The following TICRR variants were observed in gnomAD, a reference collection of about 807,000 sequenced individuals.
TICRR encodes treslin.
In TICRR, 132 loss-of-function variants were observed where a neutral mutation model predicts 178.1. The ratio of observed to expected loss-of-function variants is 0.74; its 90% CI spans 0.64 to 0.86. TICRR has a LOEUF of 0.86. TICRR is among the 40% of genes least tolerant of loss of function. The pLI is 0.00. For synonymous variants in TICRR, 991 were observed against 900.7 expected (o/e 1.10, Z -1.79); for missense variants, 2,587 against 2,334.3 (o/e 1.11, Z -2.23).
chr15:89,581,954 C>T (rs1167468086), intron 1 of TICRR, among the ~76,000 whole-genome samples: 1 of 152,172 alleles, frequency 6.6e-6, no homozygotes, highest in East Asian at 1.9e-4. Context: ...TGATGGTCAC[C>T]GTCTGGGGGA....
Position 89,601,761 on chromosome 15 carries a change from A to G in TICRR, c.2352A>G (p.Thr784=), listed in dbSNP as rs1285388954. Residue 784 remains threonine (T), a synonymous_variant, in exon 12 of 22, where the codon ACA becomes ACG. Coordinates refer to ENST00000268138, the MANE Select transcript of TICRR (RefSeq NM_152259.4). ...GGTATATTGACTCTATCCCAAAGAC[A>G]CTTGGAAATCTTTACAACAGCCTAG... The part of the protein sequence containing the change: ...LRLYIDSIPK[T]LGNLYNSLGF... 2.5e-6 allele frequency: 4 copies of G among 1,614,044 alleles called. No homozygotes were observed. In the African/African-American group the frequency reaches 4.0e-5, roughly 16 times the overall value.
intron 1 of TICRR, chr15:89,582,389 A>G (rs78549611): frequency 0.013 from 3,246 of 255,184 alleles, 116 homozygotes; most frequent in African/African-American, 0.068. Flanking sequence ...CTAACATTTT[A>G]TGATCTATAC....
intron 12 of TICRR, 101 bp downstream of exon 12, chr15:89,602,077 T>A (rs1336138791): frequency 6.3e-6 from 9 of 1,430,720 alleles, no homozygotes; most frequent in Non-Finnish European, 8.5e-6. Context: ...TATAATTTGT[T>A]GAACTAATAG....
At chr15:89,619,264 C>T (rs968449294) in intron 17 of TICRR, among the ~76,000 whole-genome samples, 9 of 115,606 alleles carry the variant, frequency 7.8e-5, no homozygotes, top group Admixed American at 1.1e-4. Flanking sequence ...CTTGCTCTGT[C>T]GCCCAGGCTG....
intron 15 of TICRR, among the ~76,000 whole-genome samples, chr15:89,613,969 A>G (rs1053089980): frequency 6.6e-6 from 1 of 151,884 alleles, no homozygotes; most frequent in Admixed American, 6.6e-5. Flanking sequence ...CCTGGCTAAC[A>G]CAGTGAAACC....
At chr15:89,589,042 C>A (rs1256939956) in intron 4 of TICRR, among the ~76,000 whole-genome samples, 1 of 151,904 alleles carries the variant, frequency 6.6e-6, no homozygotes, top group African/African-American at 2.4e-5. Context: ...GTGTTCAGGG[C>A]AGGAGGAGAT....
At position 89,624,206 on chromosome 15, in the gene TICRR, C is replaced by G; in HGVS notation, c.3896C>G (p.Thr1299Ser). The G allele has an allele frequency of 6.2e-7, 1 of 1,614,198 alleles. No individual in the cohort carries two copies. Among genetic ancestry groups the G allele is most frequent in the Non-Finnish European group, 8.5e-7 (1 of 1,180,042 alleles). ...IKTPKRPGNSTVTSSPPVTPK... is the reference protein window; with the variant it reads ...IKTPKRPGNSSVTSSPPVTPK... ...ACTCCAAAAAGACCAGGGAATTCAA[C>G]TGTGACTTCTTCCCCACCTGTTACG... Residue 1299 changes from threonine to serine, a missense_variant, in exon 20 of 22, where the codon ACT (threonine) becomes AGT (serine). Physicochemically the swap from Thr to Ser is moderately conservative, Grantham distance 58 (BLOSUM62 1). Coordinates refer to ENST00000268138, the MANE Select transcript of TICRR (RefSeq NM_152259.4).
rs767053296 is a variant in TICRR, at chr15:89,624,539, C to A, written c.4229C>A (p.Thr1410Lys). ...PDASATPGVG[T>K]ADSPAAPTDS... ...GCCTCCGCTACTCCTGGGGTTGGCA[C>A]AGCTGACAGCCCAGCTGCCCCCACA... The change falls in exon 20 of 22, where the codon ACA (threonine) becomes AAA (lysine). Residue 1410 changes from threonine (T) to lysine (K), a missense_variant. Coordinates refer to ENST00000268138, the MANE Select transcript of TICRR (RefSeq NM_152259.4). The A allele has an allele frequency of 6.2e-7, 1 of 1,613,844 alleles. No homozygotes were observed. Among genetic ancestry groups the A allele is most frequent in the South Asian group, 1.1e-5 (1 of 91,082 alleles).
At chr15:89,599,246 G>A (rs1317656662) in intron 7 of TICRR, 78 bp from the exon 8 acceptor site, 4 of 1,118,052 alleles carry the variant, frequency 3.6e-6, no homozygotes, top group Non-Finnish European at 3.6e-6. Context: ...ATTTTCCCCA[G>A]TGGACAACAA....
intron 4 of TICRR, 62 bp from the exon 5 acceptor site, chr15:89,591,985 G>C (rs895301611): frequency 1.3e-6 from 2 of 1,527,174 alleles, no homozygotes; most frequent in Non-Finnish European, 1.8e-6. Flanking sequence ...CAAGTGCTTA[G>C]AATTCTCTGC....
At chr15:89,620,486 G>C (rs2350679) in intron 18 of TICRR, among the ~76,000 whole-genome samples, 1,624 of 152,264 alleles carry the variant, frequency 0.011, 38 homozygotes, top group African/African-American at 0.038. Flanking sequence ...GGGATTACAA[G>C]TGTGAGCCAC....
chr15:89,596,338 C>T (rs1232216344), intron 7 of TICRR, among the ~76,000 whole-genome samples: 3 of 151,640 alleles, frequency 2.0e-5, no homozygotes, highest in Non-Finnish European at 4.4e-5. Flanking sequence ...CTGTTTTATT[C>T]CTCTTTTCTT....
Position 89,606,759 on chromosome 15 carries a change from A to G in TICRR, c.2665-9A>G. The G allele has an allele frequency of 1.2e-6, 2 of 1,613,106 alleles. No individual in the cohort carries two copies. The highest frequency in any genetic ancestry group is 1.3e-5 in the African/African-American group (1 of 74,980). ...TTAAATTTTCTTTCTGGATTTTCTC[A>G]TGTTTCAGGAGAACTCTCACCCTGC... On this transcript the variant is annotated splice_polypyrimidine_tract_variant and intron_variant, in intron 13 of 21. Coordinates refer to ENST00000268138, the MANE Select transcript of TICRR (RefSeq NM_152259.4).
Position 89,584,476 on chromosome 15 carries a change from G to C in TICRR, c.1125G>C (p.Arg375Ser), listed in dbSNP as rs762694311. The C allele has an allele frequency of 3.1e-6, 5 of 1,604,258 alleles. No individual in the cohort carries two copies. The South Asian group carries it at 3.3e-5, about 11-fold the overall frequency. ...CAGAGGAGAGCACAGCAACTCAAAG[G>C]CTGTTATTTCAGCAGTTGGTAAGCA... ...GSPEESTATQ[R>S]LLFQQLVSRL... is the part of the protein sequence containing the mutation. The change falls in exon 3 of 22, where the codon AGG (arginine) becomes AGC (serine). Residue 375 changes from arginine (R) to serine (S), a missense_variant. By Grantham distance (110) the Arg-to-Ser change is moderately radical. Coordinates refer to ENST00000268138, the MANE Select transcript of TICRR (RefSeq NM_152259.4).
rs2141986106 is a variant in TICRR, at chr15:89,625,460, A to C, written c.5150A>C (p.Glu1717Ala). The C allele has an allele frequency of 6.2e-7, 1 of 1,613,950 alleles. No homozygotes were observed. Among genetic ancestry groups the C allele is most frequent in the Non-Finnish European group, 8.5e-7 (1 of 1,179,996 alleles). The change falls in exon 20 of 22, where the codon GAG becomes GCG. Residue 1717 changes from glutamate to alanine, a missense_variant. Glu to Ala is a moderately radical substitution (Grantham distance 107). Transcript: ENST00000268138. ...CTTCCTGGGAGCCTGTCACTGCTTGAGTCAGAGGGCAAGGACCACGGCCTT... is the reference window on the plus strand; with the variant it reads ...CTTCCTGGGAGCCTGTCACTGCTTGCGTCAGAGGGCAAGGACCACGGCCTT... ...ADLPGSLSLL[E>A]SEGKDHGLEL...
At chr15:89,585,963 C>G in intron 4 of TICRR, 21 bp downstream of exon 4, 1 of 1,596,074 alleles carries the variant, frequency 6.3e-7, no homozygotes, top group Non-Finnish European at 8.6e-7. Flanking sequence ...AAACTAGTAA[C>G]TAACAGAGTC....
intron 9 of TICRR, 99 bp from the exon 10 acceptor site, chr15:89,601,199 G>C (rs1963088878): frequency 1.0e-6 from 1 of 960,060 alleles, no homozygotes; most frequent in Non-Finnish European, 1.6e-6. Flanking sequence ...CCTCCTTTTT[G>C]GTTGTTGTGT....
chr15:89,590,590 A>G (rs1962894559), intron 4 of TICRR, among the ~76,000 whole-genome samples: 1 of 152,156 alleles, frequency 6.6e-6, no homozygotes, highest in African/African-American at 2.4e-5. Context: ...TCTCCCCACC[A>G]TGCTCCATCT....
At position 89,623,612 on chromosome 15, in the gene TICRR, T is replaced by G; in HGVS notation, c.3313-11T>G. The G allele has an allele frequency of 1.3e-6, 2 of 1,591,720 alleles. No individual in the cohort carries two copies. Among genetic ancestry groups the G allele is most frequent in the Non-Finnish European group, 1.7e-6 (2 of 1,171,522 alleles). ...ATATTCAAGGACTGAAATAAGCATTTCTCTTTTCAGACTCCCAAGAAGAGT... is the reference window on the plus strand; with the variant it reads ...ATATTCAAGGACTGAAATAAGCATTGCTCTTTTCAGACTCCCAAGAAGAGT... On this transcript the variant is annotated splice_polypyrimidine_tract_variant and intron_variant, in intron 19 of 21. Coordinates refer to ENST00000268138, the MANE Select transcript of TICRR (RefSeq NM_152259.4).
Sources: gnomAD v4.1 joint callset for allele counts (sites outside exome capture counted in the v4.1 genomes callset) on GRCh38, gnomAD v4.1.1 for gene constraint, MANE v1.5 for transcripts, NCBI Gene and HGNC (gene_info 2026-07-23, HGNC 2026-07-21) for gene names.